TENM3: variants seen among roughly 807,000 people sequenced by gnomAD.
The protein encoded by TENM3 is teneurin-3.
In TENM3, 63 loss-of-function variants were observed where a neutral mutation model predicts 255.1. That is an observed-to-expected ratio of 0.25 (90% confidence interval 0.20 to 0.30). The LOEUF (loss-of-function observed/expected upper bound fraction) is 0.30, where lower values mean the gene tolerates loss of function less well. TENM3 is among the 10% of genes least tolerant of loss of function. TENM3 has a pLI of 1.00. For synonymous variants in TENM3, 1,306 were observed against 1,322.3 expected (o/e 0.99, Z 0.27); for missense variants, 2,929 against 3,461.1 (o/e 0.85, Z 3.86).
intron 1 of TENM3, among the ~76,000 whole-genome samples, chr4:182,215,625 T>TG (rs1165990038): frequency 6.6e-6 from 1 of 152,122 alleles, no homozygotes; most frequent in Non-Finnish European, 1.5e-5. Context: ...GGATAGCAGT[T>TG]GGGGTCACAG....
chr4:181,942,825 AT>A, the TENM3 span, among the ~76,000 whole-genome samples: 1 of 152,228 alleles, frequency 6.6e-6, no homozygotes, highest in South Asian at 2.1e-4. Flanking sequence ...CTGGTACAAA[AT>A]AAAATACATA....
At chr4:182,002,749 G>A in the TENM3 span, among the ~76,000 whole-genome samples, 1 of 152,040 alleles carries the variant, frequency 6.6e-6, no homozygotes, top group Admixed American at 6.6e-5. Flanking sequence ...AAACATTGAG[G>A]CAAAGCTTTT....
chr4:181,864,043 T>C, the TENM3 span, among the ~76,000 whole-genome samples: 2 of 152,160 alleles, frequency 1.3e-5, no homozygotes, highest in Admixed American at 6.5e-5. Flanking sequence ...ACAGGACCAC[T>C]GCAAGGCTCT....
At chr4:182,110,709 T>C in the TENM3 span, among the ~76,000 whole-genome samples, 2 of 152,146 alleles carry the variant, frequency 1.3e-5, no homozygotes, top group Non-Finnish European at 2.9e-5. Context: ...ATGGTAAACA[T>C]AACAAAGGTC....
At chr4:182,354,174 G>A (rs2045408) in intron 3 of TENM3, among the ~76,000 whole-genome samples, 144,038 of 152,222 alleles carry the variant, frequency 0.95, 68,639 homozygotes, top group East Asian at 1. Context: ...TTTCTATTAA[G>A]CTCGATTTGT....
the TENM3 span, among the ~76,000 whole-genome samples, chr4:181,827,514 A>G: frequency 6.6e-6 from 1 of 152,318 alleles, no homozygotes; most frequent in African/African-American, 2.4e-5. Flanking sequence ...TAAAATGCCC[A>G]CTTAGCACAT....
the TENM3 span, among the ~76,000 whole-genome samples, chr4:181,577,210 T>TG: frequency 2.0e-5 from 2 of 102,384 alleles, no homozygotes; most frequent in Non-Finnish European, 4.3e-5. Flanking sequence ...TATATATATA[T>TG]TTTTTTTTTA....
intron 1 of TENM3, among the ~76,000 whole-genome samples, chr4:182,284,256 T>G (rs1760587858): frequency 6.6e-6 from 1 of 152,182 alleles, no homozygotes; most frequent in African/African-American, 2.4e-5. Flanking sequence ...GACTCCCAGT[T>G]TCCTTTCTAC....
chr4:181,494,687 T>A, the TENM3 span, among the ~76,000 whole-genome samples: 1 of 152,160 alleles, frequency 6.6e-6, no homozygotes, highest in Non-Finnish European at 1.5e-5. Context: ...CTAATCAAAT[T>A]ATGAAGTTCT....
At chr4:181,903,477 T>C in the TENM3 span, among the ~76,000 whole-genome samples, 2 of 152,160 alleles carry the variant, frequency 1.3e-5, no homozygotes, top group African/African-American at 4.8e-5. Context: ...TAGGAGTGAC[T>C]GGTAACAATT....
chr4:182,757,424 T>G (rs941708153), intron 22 of TENM3, among the ~76,000 whole-genome samples: 4 of 151,806 alleles, frequency 2.6e-5, no homozygotes, highest in Non-Finnish European at 5.9e-5. Flanking sequence ...TTTAGTATAG[T>G]CTGGTACTCA....
chr4:181,753,002 G>A, the TENM3 span, among the ~76,000 whole-genome samples: 1 of 151,872 alleles, frequency 6.6e-6, no homozygotes, highest in Non-Finnish European at 1.5e-5. Context: ...GGATGTGGAA[G>A]TATGTGATTA....
At chr4:182,380,277 AC>A (rs1767476328) in intron 3 of TENM3, among the ~76,000 whole-genome samples, 1 of 73,784 alleles carries the variant, frequency 1.4e-5, no homozygotes. Flanking sequence ...ATCTCAAAAA[AC>A]AAAAAGCAAA....
At chr4:182,163,360 T>C (rs971465925) in intron 1 of TENM3, among the ~76,000 whole-genome samples, 4 of 152,204 alleles carry the variant, frequency 2.6e-5, no homozygotes, top group African/African-American at 9.6e-5. Flanking sequence ...CCATACCTCC[T>C]GATCTGGCCA....
chr4:182,531,798 C>T (rs1293422193), intron 3 of TENM3, among the ~76,000 whole-genome samples: 2 of 152,128 alleles, frequency 1.3e-5, no homozygotes, highest in African/African-American at 2.4e-5. Flanking sequence ...ACCCTCTGCC[C>T]GGCATGTACC....
intron 22 of TENM3, among the ~76,000 whole-genome samples, chr4:182,771,245 G>A (rs1222682971): frequency 6.6e-6 from 1 of 152,144 alleles, no homozygotes; most frequent in Non-Finnish European, 1.5e-5. Context: ...AGATTGAATG[G>A]GGCTAGAAAA....
the TENM3 span, among the ~76,000 whole-genome samples, chr4:181,631,140 G>A: frequency 0.09 from 13,632 of 151,960 alleles, 650 homozygotes; most frequent in East Asian, 0.15. Context: ...TCTTTTTGTC[G>A]TTGTAGGACC....
At chr4:182,630,127 G>GAT (rs995720314) in intron 5 of TENM3, among the ~76,000 whole-genome samples, 2 of 152,124 alleles carry the variant, frequency 1.3e-5, no homozygotes, top group African/African-American at 2.4e-5. Context: ...GTAAAAGCAA[G>GAT]ATGAAACCTT....
the TENM3 span, among the ~76,000 whole-genome samples, chr4:181,517,568 C>A: frequency 3.3e-5 from 5 of 152,214 alleles, no homozygotes. Flanking sequence ...TCTTCGCACA[C>A]ACATATCTAT....
Sources: allele counts gnomAD v4.1 joint callset (sites outside exome capture counted in the v4.1 genomes callset), GRCh38; gene constraint gnomAD v4.1.1; transcripts MANE v1.5; gene names NCBI Gene and HGNC (gene_info 2026-07-23, HGNC 2026-07-21).